SCIN: variants seen among roughly 807,000 people sequenced by gnomAD.
SCIN encodes scinderin.
A neutral mutation model predicts 91.8 loss-of-function variants in SCIN; 91 were observed. That is an observed-to-expected ratio of 0.99 (90% CI 0.84 to 1.18). The LOEUF (loss-of-function observed/expected upper bound fraction) is 1.18. Among genes scored for constraint, SCIN ranks in the 50% most tolerant of loss-of-function variants. The pLI, the probability that SCIN is intolerant of heterozygous loss-of-function variation, is 0.00. For synonymous variants in SCIN, 367 were observed against 312.6 expected (o/e 1.17, Z -1.84); for missense variants, 1,087 against 863.9 (o/e 1.26, Z -3.24).
intron 1 of SCIN, among the ~76,000 whole-genome samples, chr7:12,576,926 A>G (rs975528824): frequency 7.9e-5 from 12 of 152,148 alleles, no homozygotes; most frequent in Admixed American, 2.0e-4. Context: ...GTCATTTAAG[A>G]TTTTTATTAC....
In SCIN at chr7:12,635,537, G is replaced by A. The variant is rs28677817; in HGVS notation, c.1320-508G>A. 4.5e-3 allele frequency among the ~76,000 whole-genome samples: 671 copies of A among 148,090 alleles called. 4 individuals carry two copies. The highest frequency in any genetic ancestry group is 0.016 in the African/African-American group (622 of 40,122). ...TGAGGCAGGAGAATCGCTTGAAGCC[G>A]GGAGGTGGAGGTTGCAGTGAGCCAA... On this transcript the variant is annotated intron_variant, in intron 9 of 15. Coordinates refer to ENST00000297029, the MANE Select transcript of SCIN (RefSeq NM_001112706.3).
intron 8 of SCIN, among the ~76,000 whole-genome samples, chr7:12,627,368 T>C (rs1481684427): frequency 6.6e-6 from 1 of 152,044 alleles, no homozygotes; most frequent in African/African-American, 2.4e-5. Context: ...AAGCCATACC[T>C]TTTCTGAGAA....
chr7:12,598,487 C>A (rs1172651582), intron 3 of SCIN, among the ~76,000 whole-genome samples: 1 of 152,160 alleles, frequency 6.6e-6, no homozygotes, highest in African/African-American at 2.4e-5. Flanking sequence ...ACTATCCACA[C>A]ATGGTGGAAT....
chr7:12,647,303 A>G (rs1783985967), intron 13 of SCIN, among the ~76,000 whole-genome samples: 1 of 152,160 alleles, frequency 6.6e-6, no homozygotes. Flanking sequence ...TGCTCCCTTT[A>G]TAGTTTAAGG....
Position 12,644,225 on chromosome 7 carries a change from G to T in SCIN, c.1669G>T (p.Gly557Cys). 6.2e-7 allele frequency: 1 copy of T among 1,610,722 alleles called. No homozygotes were observed. The highest frequency in any genetic ancestry group is 8.5e-7 in the Non-Finnish European group (1 of 1,178,356). ...TAGTGGCTACATCTGGGTAGGAAAAGGTGCTAGCCAGGAGGAGGAGAAAGG... is the reference window on the plus strand; with the variant it reads ...TAGTGGCTACATCTGGGTAGGAAAATGTGCTAGCCAGGAGGAGGAGAAAGG... ...QNSGYIWVGK[G>C]ASQEEEKGAE... Residue 557 changes from glycine to cysteine, a missense_variant, in exon 12 of 16, where the codon GGT becomes TGT. Gly to Cys is a radical substitution (Grantham distance 159). Coordinates refer to ENST00000297029, the MANE Select transcript of SCIN (RefSeq NM_001112706.3).
chr7:12,611,934 A>T (rs1008085798), intron 4 of SCIN, among the ~76,000 whole-genome samples: 14 of 152,074 alleles, frequency 9.2e-5, no homozygotes, highest in African/African-American at 3.4e-4. Context: ...TAAAATAAAA[A>T]AAAAAAAAGA....
chr7:12,587,039 T>C (rs557284830), intron 3 of SCIN, among the ~76,000 whole-genome samples: 1 of 152,180 alleles, frequency 6.6e-6, no homozygotes, highest in Non-Finnish European at 1.5e-5. Flanking sequence ...TGAATACAGT[T>C]AACAATAATT....
In SCIN at chr7:12,644,183, C is replaced by G. The variant is rs761723112; in HGVS notation, c.1627C>G (p.Leu543Val). The G allele has an allele frequency of 1.5e-5, 24 of 1,612,626 alleles. No individual in the cohort carries two copies. The highest frequency in any genetic ancestry group is 2.0e-5 in the Non-Finnish European group (23 of 1,179,336). Residue 543 changes from leucine (L) to valine (V), a missense_variant, in exon 12 of 16, where the codon CTG becomes GTG. Coordinates refer to ENST00000297029, the MANE Select transcript of SCIN (RefSeq NM_001112706.3). ...ACTGAATTCTAACGATGTTTTTGTC[C>G]TGAAACTGCCACAAAATAGTGGCTA... ...NSLNSNDVFV[L>V]KLPQNSGYIW...
At chr7:12,612,064 A>G (rs770018200) in intron 4 of SCIN, among the ~76,000 whole-genome samples, 2 of 152,116 alleles carry the variant, frequency 1.3e-5, no homozygotes, top group Non-Finnish European at 2.9e-5. Context: ...AAGAATGGAA[A>G]TTTGAATTGT....
chr7:12,644,308 G>T lies in SCIN; in HGVS notation c.1752G>T (p.Glu584Asp). The T allele has an allele frequency of 6.3e-7, 1 of 1,581,974 alleles. No individual in the cohort carries two copies. The change falls in exon 12 of 16, where the codon GAG becomes GAT. Residue 584 changes from glutamate to aspartate, a missense_variant. Coordinates refer to ENST00000297029, the MANE Select transcript of SCIN (RefSeq NM_001112706.3). ...KCKTLRIQEG[E>D]EPEEFWNSLG... Reference sequence around the variant, plus strand: ...AAACCTTAAGGATCCAAGAAGGCGAGGAGCCAGGTGTGTGCTCTGGGGCCA... The same window carrying T: ...AAACCTTAAGGATCCAAGAAGGCGATGAGCCAGGTGTGTGCTCTGGGGCCA...
intron 7 of SCIN, chr7:12,626,264 C>T: frequency 2.9e-6 from 1 of 345,826 alleles, no homozygotes; most frequent in Admixed American, 4.5e-5. Context: ...CTCATCTACT[C>T]TCCTCATTTT....
At chr7:12,622,670 A>T in intron 4 of SCIN, 131 bp from the exon 5 acceptor site, 1 of 644,204 alleles carries the variant, frequency 1.6e-6, no homozygotes, top group Non-Finnish European at 2.7e-6. Flanking sequence ...TGCATTGATG[A>T]GAAGTGTTTG....
chr7:12,628,028 C>CGTGTGT (rs1215262855), intron 8 of SCIN, among the ~76,000 whole-genome samples: 34 of 71,112 alleles, frequency 4.8e-4, no homozygotes, highest in African/African-American at 2.0e-3. Context: ...GGCAAGTGTG[C>CGTGTGT]GCGCGTGTGT....
intron 1 of SCIN, 119 bp downstream of exon 1, chr7:12,571,104 GC>G: frequency 8.8e-7 from 1 of 1,139,132 alleles, no homozygotes; most frequent in Non-Finnish European, 1.2e-6. Flanking sequence ...AGCCACTCGC[GC>G]CCCCACGGGG....
chr7:12,573,886 A>T (rs1253335800), intron 1 of SCIN, among the ~76,000 whole-genome samples: 1 of 152,178 alleles, frequency 6.6e-6, no homozygotes, highest in Non-Finnish European at 1.5e-5. Context: ...ATACGATACA[A>T]AGAACTTATA....
At chr7:12,624,898 T>C (rs1431988745) in intron 5 of SCIN, 112 bp from the exon 6 acceptor site, 1 of 1,051,624 alleles carries the variant, frequency 9.5e-7, no homozygotes, top group Non-Finnish European at 1.3e-6. Context: ...TACAATTCAA[T>C]GCTTTTTATT....
intron 4 of SCIN, among the ~76,000 whole-genome samples, chr7:12,613,027 T>C (rs951408713): frequency 3.9e-5 from 6 of 152,082 alleles, no homozygotes; most frequent in South Asian, 4.1e-4. Flanking sequence ...ACTCTGTAAA[T>C]AGGATAATGC....
intron 3 of SCIN, chr7:12,595,763 T>G (rs1308508634): frequency 6.6e-6 from 1 of 152,220 alleles, no homozygotes; most frequent in South Asian, 2.1e-4. Context: ...GTGTTTGGAC[T>G]TCTTAAGACT....
chr7:12,610,986 G>T (rs1244905430), intron 4 of SCIN: 2 of 152,276 alleles, frequency 1.3e-5, no homozygotes, highest in East Asian at 3.9e-4. Context: ...ACCCCTTTTA[G>T]AATCCAGCAG....
Sources: gnomAD v4.1 joint callset for allele counts (sites outside exome capture counted in the v4.1 genomes callset) on GRCh38, gnomAD v4.1.1 for gene constraint, MANE v1.5 for transcripts, NCBI Gene and HGNC (gene_info 2026-07-23, HGNC 2026-07-21) for gene names.